Variants in COMMD1 observed in about 807,000 individuals in gnomAD.
The protein encoded by COMMD1 is copper metabolism domain containing 1, also known as COMM domain-containing protein 1.
In COMMD1, 10 loss-of-function variants were observed where a neutral mutation model predicts 17.2. The observed-to-expected ratio is 0.58, with a 90% CI of 0.36 to 0.99. COMMD1 has a LOEUF of 0.99. Among genes scored for constraint, COMMD1 ranks in the 50% least tolerant of loss-of-function variants. COMMD1 has a pLI of 0.01. For missense variants in COMMD1, 270 were observed against 231.8 expected, an observed-to-expected ratio of 1.17 and a Z score of -1.07; for synonymous variants, 97 against 91.6, an observed-to-expected ratio of 1.06 and a Z score of -0.34.
intron 2 of COMMD1, among the ~76,000 whole-genome samples, chr2:62,056,964 A>T (rs893082158): frequency 3.3e-5 from 5 of 152,210 alleles, no homozygotes; most frequent in African/African-American, 1.2e-4. Context: ...TTCCGTTTCC[A>T]ACATTCTTTG....
chr2:61,899,989 C>T (rs754195078), intron 1 of COMMD1, among the ~76,000 whole-genome samples: 22 of 152,120 alleles, frequency 1.4e-4, no homozygotes, highest in Non-Finnish European at 2.8e-4. Context: ...TCACTTGCTT[C>T]TAAAAGAGTA....
At chr2:62,016,206 C>CTTTT (rs769583167) in intron 2 of COMMD1, among the ~76,000 whole-genome samples, 19 of 112,254 alleles carry the variant, frequency 1.7e-4, no homozygotes, top group Non-Finnish European at 2.2e-4. Flanking sequence ...CTTTTCTTTT[C>CTTTT]TTTTTTTTTT....
At chr2:61,895,398 C>T (rs999089097) in intron 1 of COMMD1, among the ~76,000 whole-genome samples, 6 of 152,190 alleles carry the variant, frequency 3.9e-5, no homozygotes, top group African/African-American at 9.6e-5. Flanking sequence ...GAGGTTGCAG[C>T]TCCAGACTTG....
chr2:61,962,643 G>A (rs1018035514), intron 1 of COMMD1, among the ~76,000 whole-genome samples: 3 of 152,216 alleles, frequency 2.0e-5, no homozygotes, highest in African/African-American at 7.2e-5. Context: ...GGACACTGAA[G>A]TTTGGGTGAG....
chr2:61,937,043 GA>G (rs1240027107), intron 1 of COMMD1, among the ~76,000 whole-genome samples: 1 of 152,206 alleles, frequency 6.6e-6, no homozygotes, highest in Non-Finnish European at 1.5e-5. Context: ...AAAATATTCA[GA>G]TTGGTAATTG....
chr2:61,944,350 G>T (rs1251118774), intron 1 of COMMD1, among the ~76,000 whole-genome samples: 1 of 152,024 alleles, frequency 6.6e-6, no homozygotes, highest in East Asian at 1.9e-4. Context: ...TACTCTGGAG[G>T]CTGAAGAGGA....
chr2:62,037,353 C>A (rs1383175039), intron 2 of COMMD1, among the ~76,000 whole-genome samples: 3 of 152,140 alleles, frequency 2.0e-5, no homozygotes, highest in East Asian at 3.8e-4. Flanking sequence ...ATGGGATACA[C>A]CCTGCCCAGC....
intron 1 of COMMD1, among the ~76,000 whole-genome samples, chr2:61,986,235 G>A (rs1292912278): frequency 6.6e-6 from 1 of 151,736 alleles, no homozygotes; most frequent in East Asian, 1.9e-4. Context: ...CCACTGAAAA[G>A]CCTGCTGCCA....
Position 61,905,686 on chromosome 2 carries a change from C to T in COMMD1, c.8C>T (p.Ala3Val), listed in dbSNP as rs1251448714. Residue 3 changes from alanine (A) to valine (V), a missense_variant, in exon 1 of 3, where the codon GCG becomes GTG. Transcript: ENST00000311832. ...GCGGGGCCTTCGCAGAGCATGGCGG[C>T]GGGCGAGCTTGAGGGTGGCAAACCC... MAAGELEGGKPLS... is the reference protein window; with the variant it reads MAVGELEGGKPLS... 3.8e-6 allele frequency: 6 copies of T among 1,560,910 alleles called. No homozygotes were observed. The highest frequency in any genetic ancestry group is 1.9e-5 in the Admixed American group (1 of 53,016).
chr2:62,014,210 C>A (rs1357613225), intron 2 of COMMD1, among the ~76,000 whole-genome samples: 3 of 152,180 alleles, frequency 2.0e-5, no homozygotes, highest in Admixed American at 6.5e-5. Flanking sequence ...CTTCGTTCAG[C>A]TGTTCAGGCT....
At chr2:62,067,978 A>G (rs774550137) in intron 2 of COMMD1, among the ~76,000 whole-genome samples, 1 of 152,154 alleles carries the variant, frequency 6.6e-6, no homozygotes, top group Non-Finnish European at 1.5e-5. Flanking sequence ...CCCATTTTCT[A>G]TTTATAGAAT....
intron 2 of COMMD1, among the ~76,000 whole-genome samples, chr2:62,112,267 G>A (rs184807586): frequency 3.9e-4 from 60 of 152,258 alleles, no homozygotes; most frequent in African/African-American, 1.3e-3. Context: ...TCCTTACAGG[G>A]AGAAAAAGAC....
At chr2:61,926,640 G>A (rs1308638533) in intron 1 of COMMD1, among the ~76,000 whole-genome samples, 4 of 152,040 alleles carry the variant, frequency 2.6e-5, no homozygotes, top group Non-Finnish European at 5.9e-5. Flanking sequence ...TTTATCTTAC[G>A]TAAAATGTCG....
intron 1 of COMMD1, among the ~76,000 whole-genome samples, chr2:61,970,279 A>C (rs1320908667): frequency 6.6e-6 from 1 of 151,720 alleles, no homozygotes; most frequent in Non-Finnish European, 1.5e-5. Flanking sequence ...AAAAAAAAAG[A>C]ATAATGATAA....
intron 2 of COMMD1, among the ~76,000 whole-genome samples, chr2:62,126,206 G>A (rs6743775): frequency 0.37 from 56,991 of 152,018 alleles, 11,790 homozygotes; most frequent in African/African-American, 0.56. Flanking sequence ...TGTCTTTGCT[G>A]TTGTGAATAG....
upstream of COMMD1, among the ~76,000 whole-genome samples, chr2:61,905,315 G>A (rs548277604): frequency 6.6e-6 from 1 of 152,316 alleles, no homozygotes; most frequent in East Asian, 1.9e-4. Context: ...CAGTTAATGG[G>A]TTGGCAAGTC....
intron 2 of COMMD1, among the ~76,000 whole-genome samples, chr2:62,028,668 T>C (rs1288974837): frequency 1.5e-4 from 23 of 152,200 alleles, no homozygotes; most frequent in Admixed American, 1.5e-3. Flanking sequence ...TTCTACTACA[T>C]TGGATGGATT....
At chr2:62,072,012 C>A (rs1017192913) in intron 2 of COMMD1, among the ~76,000 whole-genome samples, 6 of 151,300 alleles carry the variant, frequency 4.0e-5, no homozygotes, top group African/African-American at 1.2e-4. Context: ...TTTTAATTAA[C>A]CCAGTATAAT....
intron 2 of COMMD1, among the ~76,000 whole-genome samples, chr2:62,105,357 C>T (rs892012769): frequency 4.6e-5 from 7 of 151,576 alleles, no homozygotes; most frequent in African/African-American, 7.3e-5. Flanking sequence ...GATTATTTAG[C>T]GATAATATAA....
Sources: allele counts gnomAD v4.1 joint callset (sites outside exome capture counted in the v4.1 genomes callset), GRCh38; gene constraint gnomAD v4.1.1; transcripts MANE v1.5; gene names NCBI Gene and HGNC (gene_info 2026-07-23, HGNC 2026-07-21).